The following LIMS1 variants were observed in gnomAD, a reference collection of about 807,000 sequenced individuals.
LIMS1 encodes the protein LIM and senescent cell antigen-like-containing domain protein 1.
A neutral mutation model predicts 44.1 loss-of-function variants in LIMS1; 18 were observed. The observed-to-expected ratio is 0.41, with a 90% CI of 0.28 to 0.61. LIMS1 has a LOEUF of 0.61. LIMS1 is among the 20% of genes least tolerant of loss of function. The pLI is 0.32. For missense variants in LIMS1, 201 were observed against 422.0 expected, an observed-to-expected ratio of 0.48 and a Z score of 4.59; for synonymous variants, 93 against 149.1, an observed-to-expected ratio of 0.62 and a Z score of 2.74.
chr2:108,560,213 C>T (rs770195194), intron 1 of LIMS1, among the ~76,000 whole-genome samples: 13 of 152,188 alleles, frequency 8.5e-5, no homozygotes, highest in Non-Finnish European at 1.6e-4. Flanking sequence ...CCTCACTGCC[C>T]CTCGCCAGCT....
chr2:108,630,950 G>T (rs1688886079), intron 1 of LIMS1, among the ~76,000 whole-genome samples: 2 of 152,226 alleles, frequency 1.3e-5, no homozygotes, highest in Admixed American at 1.3e-4. Flanking sequence ...AGGGGTAAAA[G>T]ATTAGATTCA....
At chr2:108,538,019 A>G (rs1229655800) in intron 1 of LIMS1, among the ~76,000 whole-genome samples, 2 of 152,226 alleles carry the variant, frequency 1.3e-5, no homozygotes, top group African/African-American at 4.8e-5. Flanking sequence ...CTAGGTTTGC[A>G]CTTAAATAGA....
intron 1 of LIMS1, among the ~76,000 whole-genome samples, chr2:108,585,275 G>A (rs1323899693): frequency 1.3e-5 from 2 of 151,764 alleles, no homozygotes; most frequent in African/African-American, 2.4e-5. Flanking sequence ...AGGTTCCTTA[G>A]ACCGCTTGCT....
At chr2:108,671,769 A>G (rs1222437305) in intron 3 of LIMS1, among the ~76,000 whole-genome samples, 6 of 152,256 alleles carry the variant, frequency 3.9e-5, no homozygotes, top group Non-Finnish European at 2.9e-5. Context: ...TGGACAGGAA[A>G]GCTAGATTCA....
chr2:108,585,607 C>T (rs768074724), intron 1 of LIMS1, among the ~76,000 whole-genome samples: 2 of 151,944 alleles, frequency 1.3e-5, no homozygotes, highest in African/African-American at 2.4e-5. Context: ...GGAGAATGTG[C>T]GCAATGAGAG....
At chr2:108,608,231 T>C (rs1415293399) in intron 1 of LIMS1, among the ~76,000 whole-genome samples, 1 of 152,170 alleles carries the variant, frequency 6.6e-6, no homozygotes, top group African/African-American at 2.4e-5. Flanking sequence ...TAACAGTGCA[T>C]GGGATTCCGT....
At chr2:108,562,718 T>A (rs142903750) in intron 1 of LIMS1, among the ~76,000 whole-genome samples, 33 of 152,330 alleles carry the variant, frequency 2.2e-4, no homozygotes, top group African/African-American at 7.5e-4. Context: ...ATGTAGAAGG[T>A]GCACCAAGTT....
chr2:108,666,712 C>T (rs1431557163), intron 2 of LIMS1, among the ~76,000 whole-genome samples: 2 of 140,828 alleles, frequency 1.4e-5, no homozygotes, highest in Non-Finnish European at 3.1e-5. Context: ...TCATTTGAGC[C>T]TAGGAGTTGG....
intron 1 of LIMS1, among the ~76,000 whole-genome samples, chr2:108,598,193 C>T (rs2104709672): frequency 6.6e-6 from 1 of 151,742 alleles, no homozygotes; most frequent in Non-Finnish European, 1.5e-5. Flanking sequence ...TAGATTAGGA[C>T]ATGATGTGTA....
intron 1 of LIMS1, among the ~76,000 whole-genome samples, chr2:108,540,487 C>G: frequency 6.6e-6 from 1 of 152,192 alleles, no homozygotes; most frequent in South Asian, 2.1e-4. Flanking sequence ...CTTGAGCCAC[C>G]GCGCCTGGCT....
At chr2:108,534,495 C>G in exon 1 of LIMS1, 2 of 1,148,446 alleles carry the variant, frequency 1.7e-6, no homozygotes, top group South Asian at 4.1e-5. Context: ...CGGCGAGGGA[C>G]TAGGACGCGG....
At chr2:108,645,289 C>T (rs1266210472) in intron 1 of LIMS1, among the ~76,000 whole-genome samples, 2 of 152,218 alleles carry the variant, frequency 1.3e-5, no homozygotes, top group Admixed American at 6.5e-5. Flanking sequence ...AGACTAACAG[C>T]GGATCTCGGC....
At chr2:108,594,478 A>T (rs1686564376) in intron 1 of LIMS1, among the ~76,000 whole-genome samples, 1 of 152,198 alleles carries the variant, frequency 6.6e-6, no homozygotes, top group Non-Finnish European at 1.5e-5. Flanking sequence ...CAGATGAAGA[A>T]TCTCACCTGC....
chr2:108,666,975 T>C (rs1007437002), intron 2 of LIMS1, among the ~76,000 whole-genome samples: 3 of 151,572 alleles, frequency 2.0e-5, no homozygotes, highest in Non-Finnish European at 4.4e-5. Flanking sequence ...CACCCTGTCC[T>C]TTTAAATTTT....
chr2:108,568,280 A>C (rs1685363040), intron 1 of LIMS1, among the ~76,000 whole-genome samples: 1 of 152,236 alleles, frequency 6.6e-6, no homozygotes, highest in African/African-American at 2.4e-5. Flanking sequence ...AGGTGGAATC[A>C]TGCAATATTT....
At chr2:108,632,897 T>C (rs1166770987) in intron 1 of LIMS1, among the ~76,000 whole-genome samples, 1 of 152,216 alleles carries the variant, frequency 6.6e-6, no homozygotes, top group Non-Finnish European at 1.5e-5. Context: ...ATAGCAAGTG[T>C]ACACATTGAT....
intron 9 of LIMS1, among the ~76,000 whole-genome samples, chr2:108,682,451 G>C (rs1004225491): frequency 7.2e-5 from 11 of 152,098 alleles, no homozygotes; most frequent in Non-Finnish European, 1.3e-4. Flanking sequence ...AGTGAGCCGA[G>C]ATCGTGCCAC....
chr2:108,610,717 T>G (rs1395105736), intron 1 of LIMS1, among the ~76,000 whole-genome samples: 1 of 152,248 alleles, frequency 6.6e-6, no homozygotes, highest in Non-Finnish European at 1.5e-5. Context: ...GGCCATAGTT[T>G]AATAATACAT....
Position 108,534,604 on chromosome 2 carries a change from G to T in LIMS1, c.32+10G>T. The T allele has an allele frequency of 1.8e-6, 2 of 1,130,546 alleles. No homozygotes were observed. Among genetic ancestry groups the T allele is most frequent in the Non-Finnish European group, 2.2e-6 (2 of 917,948 alleles). The allele number at this position is 1,130,546 out of a possible 1,614,324, so 70.0% of individuals were successfully genotyped here. A position where few individuals can be genotyped will look rare whatever the true frequency, so the allele number is the denominator to read the frequency against. On this transcript the variant is annotated intron_variant, in intron 1 of 9. Transcript: ENST00000544547. The stretch of plus-strand genomic sequence containing the variant: ...CCGGGATGACCCACAGGTACGGGCC[G>T]CACCGCGCGGCCCCCGCCACGTCCG...
Sources: allele counts gnomAD v4.1 joint callset (sites outside exome capture counted in the v4.1 genomes callset), GRCh38; gene constraint gnomAD v4.1.1; transcripts MANE v1.5; gene names NCBI Gene and HGNC (gene_info 2026-07-23, HGNC 2026-07-21).